The following TRPM3 variants were observed in gnomAD, a reference collection of about 807,000 sequenced individuals.
TRPM3 encodes the protein transient receptor potential cation channel subfamily M member 3.
A neutral mutation model predicts 181.2 loss-of-function variants in TRPM3; 77 were observed. The ratio of observed to expected loss-of-function variants is 0.42; its 90% CI spans 0.35 to 0.51. TRPM3 has a LOEUF of 0.51. Ranked by LOEUF, TRPM3 falls within the 20% of genes least tolerant of loss-of-function variation. The pLI is 0.01. For missense variants in TRPM3, 1,759 were observed against 2,196.7 expected, an observed-to-expected ratio of 0.80 and a Z score of 3.98; for synonymous variants, 745 against 796.4, an observed-to-expected ratio of 0.94 and a Z score of 1.09.
At chr9:71,377,316 A>G (rs2132845452) in intron 1 of TRPM3, among the ~76,000 whole-genome samples, 1 of 152,262 alleles carries the variant, frequency 6.6e-6, no homozygotes, top group Non-Finnish European at 1.5e-5. Flanking sequence ...GAGATGGAAT[A>G]TTAACCACCA....
intron 8 of TRPM3, among the ~76,000 whole-genome samples, chr9:70,752,268 T>C (rs952550733): frequency 1.3e-5 from 2 of 152,136 alleles, no homozygotes; most frequent in African/African-American, 2.4e-5. Context: ...GAAAGGCTCA[T>C]GTATAGGTGG....
chr9:70,972,500 G>T (rs2097257352), intron 1 of TRPM3, among the ~76,000 whole-genome samples: 1 of 152,122 alleles, frequency 6.6e-6, no homozygotes, highest in Admixed American at 6.5e-5. Flanking sequence ...ACTGCTAATG[G>T]GTAAAGAGTT....
intron 8 of TRPM3, among the ~76,000 whole-genome samples, chr9:70,700,642 CT>C (rs1162800110): frequency 2.6e-5 from 4 of 152,260 alleles, no homozygotes; most frequent in Middle Eastern, 3.4e-3. Flanking sequence ...CTGTCAACAG[CT>C]TTTTAGACGA....
At chr9:70,598,364 T>G in intron 21 of TRPM3, 55 bp downstream of exon 21, 1 of 1,591,620 alleles carries the variant, frequency 6.3e-7, no homozygotes, top group Non-Finnish European at 8.6e-7. Context: ...CTCTATCTAT[T>G]ATCACCATTC....
intron 1 of TRPM3, among the ~76,000 whole-genome samples, chr9:71,159,216 G>T (rs1442445871): frequency 6.6e-6 from 1 of 151,572 alleles, no homozygotes; most frequent in Non-Finnish European, 1.5e-5. Flanking sequence ...GTTCTAATCG[G>T]TTCTTTGGAG....
chr9:70,917,381 C>T (rs10283491), intron 1 of TRPM3: 4 of 932,352 alleles, frequency 4.3e-6, no homozygotes, highest in Non-Finnish European at 7.1e-6. Context: ...TTCAACCACT[C>T]TCTTCCAAGA....
At chr9:70,549,507 C>A in intron 25 of TRPM3, 35 bp downstream of exon 25, 1 of 1,589,066 alleles carries the variant, frequency 6.3e-7, no homozygotes. Flanking sequence ...CTTGGCACAA[C>A]ACATCTGCAG....
intron 9 of TRPM3, among the ~76,000 whole-genome samples, chr9:70,652,218 A>G (rs562691476): frequency 6.6e-6 from 1 of 152,114 alleles, no homozygotes; most frequent in Non-Finnish European, 1.5e-5. Context: ...CAGGTTTTGG[A>G]GGAAAGATGA....
intron 8 of TRPM3, among the ~76,000 whole-genome samples, chr9:70,688,497 C>A (rs188949050): frequency 2.8e-4 from 42 of 152,278 alleles, no homozygotes; most frequent in African/African-American, 9.6e-4. Context: ...TATGCCTTTG[C>A]ATCCTCATAG....
chr9:70,752,000 G>GTGTGTATGTGTGTA (rs199933344), intron 8 of TRPM3, among the ~76,000 whole-genome samples: 1 of 61,654 alleles, frequency 1.6e-5, no homozygotes, highest in Non-Finnish European at 3.3e-5. Flanking sequence ...CATCTCAACA[G>GTGTGTATGTGTGTA]TGTGTGTGTG....
At chr9:71,064,517 A>G (rs2061683392) in intron 1 of TRPM3, among the ~76,000 whole-genome samples, 1 of 151,808 alleles carries the variant, frequency 6.6e-6, no homozygotes, top group South Asian at 2.1e-4. Flanking sequence ...TTCCCCCTGT[A>G]GTTTTCAAAT....
intron 1 of TRPM3, among the ~76,000 whole-genome samples, chr9:71,379,071 A>G (rs987915333): frequency 3.3e-5 from 5 of 152,080 alleles, no homozygotes; most frequent in Non-Finnish European, 5.9e-5. Flanking sequence ...GCAGAAATTT[A>G]TAACTACATT....
intron 1 of TRPM3, among the ~76,000 whole-genome samples, chr9:71,032,308 C>G (rs2057630507): frequency 1.4e-5 from 2 of 147,560 alleles, no homozygotes; most frequent in Admixed American, 7.0e-5. Context: ...TTTAATAACA[C>G]TTTATTAACT....
chr9:70,623,528 G>A (rs983902190), intron 14 of TRPM3, among the ~76,000 whole-genome samples: 1 of 152,176 alleles, frequency 6.6e-6, no homozygotes, highest in Admixed American at 6.5e-5. Flanking sequence ...GCACCATCTT[G>A]ACATTTGTAC....
intron 6 of TRPM3, among the ~76,000 whole-genome samples, chr9:70,789,578 C>T (rs67984599): frequency 0.095 from 14,447 of 152,164 alleles, 766 homozygotes; most frequent in East Asian, 0.13. Flanking sequence ...TCTACCATCA[C>T]CAAAGACTTG....
upstream of TRPM3, among the ~76,000 whole-genome samples, chr9:71,123,540 G>C (rs372113083): frequency 6.6e-6 from 1 of 152,202 alleles, no homozygotes; most frequent in Non-Finnish European, 1.5e-5. Context: ...CTTCTGGGTA[G>C]CATGTGCTGA....
At chr9:70,895,017 T>G (rs2096262790) in intron 1 of TRPM3, among the ~76,000 whole-genome samples, 1 of 152,174 alleles carries the variant, frequency 6.6e-6, no homozygotes, top group Non-Finnish European at 1.5e-5. Flanking sequence ...TTTAAGAGCT[T>G]GTATTTCTTC....
chr9:70,847,829 C>A (rs940251203), intron 3 of TRPM3, among the ~76,000 whole-genome samples: 4 of 152,090 alleles, frequency 2.6e-5, no homozygotes, highest in African/African-American at 9.7e-5. Context: ...TTAAGAATTG[C>A]CAAGCAGTGT....
chr9:71,123,333 C>T (rs1374642581), upstream of TRPM3, among the ~76,000 whole-genome samples: 3 of 152,206 alleles, frequency 2.0e-5, no homozygotes, highest in African/African-American at 7.2e-5. Context: ...AATCAAGCTG[C>T]ATGGTTCAAA....
Sources: gnomAD v4.1 joint callset for allele counts (sites outside exome capture counted in the v4.1 genomes callset) on GRCh38, gnomAD v4.1.1 for gene constraint, MANE v1.5 for transcripts, NCBI Gene and HGNC (gene_info 2026-07-23, HGNC 2026-07-21) for gene names.